TTC33: variants seen among roughly 807,000 people sequenced by gnomAD.
TTC33 encodes tetratricopeptide repeat domain 33.
In TTC33, 24 loss-of-function variants were observed where a neutral mutation model predicts 29.4. The ratio of observed to expected loss-of-function variants is 0.82; its 90% CI spans 0.59 to 1.15. TTC33 has a LOEUF of 1.15. Ranked by LOEUF, TTC33 falls within the 50% of genes most tolerant of loss-of-function variation. TTC33 has a pLI of 0.00. For synonymous variants in TTC33, 107 were observed against 100.3 expected (o/e 1.07, Z -0.40); for missense variants, 286 against 310.4 (o/e 0.92, Z 0.59).
At chr5:40,750,308 G>A (rs1336503843) in intron 1 of TTC33, among the ~76,000 whole-genome samples, 2 of 152,104 alleles carry the variant, frequency 1.3e-5, no homozygotes, top group African/African-American at 2.4e-5. Context: ...GTTGGCTCAC[G>A]CCTGTAATCC....
At chr5:40,753,919 A>G (rs927405076) in intron 1 of TTC33, among the ~76,000 whole-genome samples, 2 of 147,462 alleles carry the variant, frequency 1.4e-5, no homozygotes, top group African/African-American at 2.5e-5. Context: ...AAAAAAAAGT[A>G]AAAAAAAAAA....
intron 4 of TTC33, among the ~76,000 whole-genome samples, chr5:40,722,973 G>A (rs777396120): frequency 1.3e-5 from 2 of 152,212 alleles, no homozygotes; most frequent in South Asian, 2.1e-4. Flanking sequence ...CCATGATGAC[G>A]ATGGCGGTTT....
At chr5:40,731,391 T>C (rs1377882417) in intron 2 of TTC33, among the ~76,000 whole-genome samples, 1 of 152,060 alleles carries the variant, frequency 6.6e-6, no homozygotes, top group Non-Finnish European at 1.5e-5. Context: ...TCTGTATTAG[T>C]TCACTCTCAC....
rs1035346442 is a variant in TTC33 at position 40,712,097 on chromosome 5, G to A, written c.*4048C>T. On this transcript the variant is annotated 3_prime_UTR_variant, in exon 5 of 5. Transcript: ENST00000337702. ...ATACTCATTTAAGAAAGTTAATAGA[G>A]GTGAACAGAGGATATCCTAATTCAT... 3.3e-5 allele frequency among the ~76,000 whole-genome samples: 5 copies of A among 152,014 alleles called. No individual in the cohort carries two copies. Among genetic ancestry groups the A allele is most frequent in the African/African-American group, 1.2e-4 (5 of 41,402 alleles).
At chr5:40,748,670 A>G (rs906958289) in intron 1 of TTC33, among the ~76,000 whole-genome samples, 2 of 152,222 alleles carry the variant, frequency 1.3e-5, no homozygotes, top group African/African-American at 4.8e-5. Context: ...GAAAATATAC[A>G]TGAAATTAGA....
chr5:40,726,699 C>T (rs447810), intron 4 of TTC33, among the ~76,000 whole-genome samples: 101,114 of 151,580 alleles, frequency 0.67, 33,890 homozygotes, highest in East Asian at 0.8. Context: ...AAAGTATCTC[C>T]GTCTCACCTG....
intron 3 of TTC33, 21 bp downstream of exon 3, chr5:40,730,241 G>T (rs775272772): frequency 3.2e-6 from 5 of 1,575,508 alleles, no homozygotes; most frequent in Middle Eastern, 1.7e-4. Context: ...TAAGGAAAGT[G>T]AAATTCTTCA....
At chr5:40,751,952 G>A (rs371336829) in intron 1 of TTC33, among the ~76,000 whole-genome samples, 7 of 125,086 alleles carry the variant, frequency 5.6e-5, no homozygotes, top group East Asian at 2.4e-4. Context: ...GTGAAACTCC[G>A]TCTCAAAAGA....
chr5:40,734,717 C>T (rs948451997), intron 2 of TTC33, among the ~76,000 whole-genome samples: 1 of 152,124 alleles, frequency 6.6e-6, no homozygotes, highest in Non-Finnish European at 1.5e-5. Context: ...TTACTGGGCA[C>T]CTACCCTGGG....
chr5:40,731,319 C>G (rs1292783544), intron 2 of TTC33, among the ~76,000 whole-genome samples: 1 of 152,130 alleles, frequency 6.6e-6, no homozygotes, highest in African/African-American at 2.4e-5. Context: ...TTTTTATAGT[C>G]CCTACCCACA....
rs1395254731 is a variant in TTC33 at position 40,746,866 on chromosome 5, A to T, written c.153T>A (p.Leu51=). The T allele has an allele frequency of 6.2e-7, 1 of 1,614,096 alleles. No individual in the cohort carries two copies. Among genetic ancestry groups the T allele is most frequent in the Middle Eastern group, 1.6e-4 (1 of 6,062 alleles). ...LHAIKRRKEI[L]LEGCAEKSKQ... Reference sequence around the variant, plus strand: ...TACTTTTCTCAGCACAGCCTTCAAGAAGAATTTCTTTCCTACGTTTAATGG... The same window carrying T: ...TACTTTTCTCAGCACAGCCTTCAAGTAGAATTTCTTTCCTACGTTTAATGG... The change falls in exon 2 of 5, where the codon CTT becomes CTA. Residue 51 remains leucine, a synonymous_variant. Transcript: ENST00000337702.
chr5:40,742,758 G>A (rs1442058756), intron 2 of TTC33, among the ~76,000 whole-genome samples: 1 of 152,172 alleles, frequency 6.6e-6, no homozygotes, highest in African/African-American at 2.4e-5. Flanking sequence ...TTCGGGAGGA[G>A]GGTGAGAAAA....
intron 3 of TTC33, among the ~76,000 whole-genome samples, chr5:40,729,002 G>T (rs1297306523): frequency 6.6e-6 from 1 of 152,146 alleles, no homozygotes; most frequent in Non-Finnish European, 1.5e-5. Context: ...GAGAGTTAGG[G>T]TTACCAGAGA....
chr5:40,755,366 G>A (rs1742965280), intron 1 of TTC33, among the ~76,000 whole-genome samples: 1 of 152,226 alleles, frequency 6.6e-6, no homozygotes. Flanking sequence ...GCCACCGCAA[G>A]AGAAAAACCA....
chr5:40,748,411 G>T (rs1362272747), intron 1 of TTC33, among the ~76,000 whole-genome samples: 1 of 151,858 alleles, frequency 6.6e-6, no homozygotes, highest in East Asian at 1.9e-4. Context: ...GGTGAGGGTG[G>T]TCTTGAACTC....
chr5:40,728,301 A>AATATAATTAAAATTT, intron 4 of TTC33, 44 bp downstream of exon 4: 1 of 1,408,874 alleles, frequency 7.1e-7, no homozygotes, highest in Non-Finnish European at 9.6e-7. Context: ...AAAAAGTCAA[A>AATATAATTAAAATTT]ATATACTTAA....
intron 1 of TTC33, among the ~76,000 whole-genome samples, chr5:40,752,155 C>G (rs540766022): frequency 1.3e-5 from 2 of 152,320 alleles, no homozygotes; most frequent in African/African-American, 4.8e-5. Flanking sequence ...TCACCTCTCT[C>G]AGCATTCACA....
Position 40,732,153 on chromosome 5 carries a change from G to A in TTC33, c.222-1810C>T, listed in dbSNP as rs572568434. ...GCCTACTGAGTAGCTAGGACTACAG[G>A]CATATGCCACTATGGCCAGCTAATT... On this transcript the variant is annotated intron_variant, in intron 2 of 4. Coordinates refer to ENST00000337702, the MANE Select transcript of TTC33 (RefSeq NM_012382.3). Among the ~76,000 whole-genome samples, 3 of 152,236 alleles carry A rather than the reference G, an allele frequency of 2.0e-5. No homozygotes were observed. In the South Asian group the frequency reaches 6.2e-4, roughly 32 times the overall value.
intron 2 of TTC33, among the ~76,000 whole-genome samples, chr5:40,738,861 T>C (rs1023506474): frequency 6.6e-6 from 1 of 152,180 alleles, no homozygotes; most frequent in East Asian, 1.9e-4. Context: ...GTGAAGCATC[T>C]GCTCCAACTT....
Sources: gnomAD v4.1 joint callset for allele counts (sites outside exome capture counted in the v4.1 genomes callset) on GRCh38, gnomAD v4.1.1 for gene constraint, MANE v1.5 for transcripts, NCBI Gene and HGNC (gene_info 2026-07-23, HGNC 2026-07-21) for gene names.